The following CEP112 variants were observed in gnomAD, a reference collection of about 807,000 sequenced individuals.
The protein encoded by CEP112 is centrosomal protein 112, also known as centrosomal protein of 112 kDa.
A neutral mutation model predicts 153.0 loss-of-function variants in CEP112; 127 were observed. The ratio of observed to expected loss-of-function variants is 0.83; its 90% CI spans 0.72 to 0.96. CEP112 has a LOEUF of 0.96. Ranked by LOEUF, CEP112 falls within the 40% of genes least tolerant of loss-of-function variation. The probability of loss-of-function intolerance (pLI) is 0.00; values close to 1 mark genes in which losing one functional copy is unlikely to be tolerated. For missense variants in CEP112, 1,089 were observed against 1,101.2 expected (o/e 0.99, Z 0.16); for synonymous variants, 358 against 374.4 (o/e 0.96, Z 0.51).
intron 24 of CEP112, chr17:65,644,514 A>C: frequency 3.1e-6 from 1 of 318,694 alleles, no homozygotes; most frequent in Non-Finnish European, 6.0e-6. Context: ...AATTTGGACA[A>C]AGCACAGCAG....
intron 20 of CEP112, among the ~76,000 whole-genome samples, chr17:65,896,394 A>G (rs1479262603): frequency 6.6e-6 from 1 of 152,110 alleles, no homozygotes; most frequent in Non-Finnish European, 1.5e-5. Context: ...GATGAAAACA[A>G]TTACAGAACT....
intron 17 of CEP112, 49 bp downstream of exon 17, chr17:66,005,641 A>C (rs1290245145): frequency 6.4e-7 from 1 of 1,574,650 alleles, no homozygotes; most frequent in Non-Finnish European, 8.6e-7. Flanking sequence ...TTTGGCTCAC[A>C]GTTTAATAAA....
chr17:65,649,690 C>A (rs2045632561), intron 24 of CEP112, among the ~76,000 whole-genome samples: 1 of 141,626 alleles, frequency 7.1e-6, no homozygotes, highest in African/African-American at 2.7e-5. Flanking sequence ...CTGCACCCAG[C>A]CTAGGCAACT....
chr17:65,870,628 C>T (rs2058643618), intron 20 of CEP112, among the ~76,000 whole-genome samples: 1 of 152,118 alleles, frequency 6.6e-6, no homozygotes. Flanking sequence ...TAACCTTATC[C>T]TGAAAAATGC....
At chr17:65,853,753 G>C (rs1034758880) in intron 20 of CEP112, among the ~76,000 whole-genome samples, 1 of 151,538 alleles carries the variant, frequency 6.6e-6, no homozygotes, top group Non-Finnish European at 1.5e-5. Context: ...TTCTATTTCC[G>C]GTTCTGTGTA....
chr17:65,643,187 G>A (rs1277992418), intron 24 of CEP112, among the ~76,000 whole-genome samples: 1 of 152,190 alleles, frequency 6.6e-6, no homozygotes, highest in Non-Finnish European at 1.5e-5. Flanking sequence ...CTTGCTCATA[G>A]GTGAGCTTGA....
intron 11 of CEP112, among the ~76,000 whole-genome samples, chr17:66,055,728 G>T (rs2319122): frequency 0.41 from 62,530 of 151,990 alleles, 14,343 homozygotes; most frequent in East Asian, 0.87. Context: ...CGGAGGGGTG[G>T]CTGTAAGTCA....
chr17:65,736,241 G>A (rs2050797423), intron 23 of CEP112, among the ~76,000 whole-genome samples: 1 of 152,106 alleles, frequency 6.6e-6, no homozygotes, highest in Non-Finnish European at 1.5e-5. Flanking sequence ...AATTCAGGGG[G>A]ATTTCTAGGG....
At chr17:66,051,590 C>T (rs542776030) in intron 12 of CEP112, among the ~76,000 whole-genome samples, 1 of 152,240 alleles carries the variant, frequency 6.6e-6, no homozygotes, top group African/African-American at 2.4e-5. Context: ...AACAACTGTG[C>T]ATACCACTTC....
intron 17 of CEP112, among the ~76,000 whole-genome samples, chr17:65,991,439 A>C (rs2063591113): frequency 1.3e-5 from 2 of 152,180 alleles, no homozygotes; most frequent in African/African-American, 4.8e-5. Context: ...GAAAAAATAT[A>C]TTCAAAAGTT....
intron 8 of CEP112, among the ~76,000 whole-genome samples, chr17:66,094,304 C>T (rs1427804701): frequency 6.6e-6 from 1 of 152,072 alleles, no homozygotes; most frequent in East Asian, 1.9e-4. Context: ...AAGTGATCCG[C>T]CCACCTCAGC....
chr17:66,122,477 T>C (rs2069646284), intron 6 of CEP112, among the ~76,000 whole-genome samples: 3 of 152,166 alleles, frequency 2.0e-5, no homozygotes, highest in Admixed American at 2.0e-4. Flanking sequence ...ATTTGATTAG[T>C]GGCTTGGCTA....
chr17:65,974,386 T>C (rs1599224116), intron 17 of CEP112, among the ~76,000 whole-genome samples: 2 of 152,274 alleles, frequency 1.3e-5, no homozygotes, highest in South Asian at 2.1e-4. Flanking sequence ...CCAAAAGGCA[T>C]CCTCCTTATT....
At chr17:65,919,113 G>A (rs1221140903) in intron 19 of CEP112, among the ~76,000 whole-genome samples, 1 of 152,120 alleles carries the variant, frequency 6.6e-6, no homozygotes, top group African/African-American at 2.4e-5. Context: ...GGGATCTGAG[G>A]GCATAGCCTG....
At chr17:65,933,508 T>A (rs2061198006) in intron 18 of CEP112, among the ~76,000 whole-genome samples, 1 of 152,198 alleles carries the variant, frequency 6.6e-6, no homozygotes, top group Non-Finnish European at 1.5e-5. Context: ...AAACCCTGCA[T>A]GCCAGGAGAC....
intron 21 of CEP112, among the ~76,000 whole-genome samples, chr17:65,786,822 G>C (rs752462264): frequency 2.6e-5 from 4 of 152,124 alleles, no homozygotes; most frequent in Non-Finnish European, 5.9e-5. Context: ...TTAGGCTCAA[G>C]TGATCCGCCT....
intron 20 of CEP112, among the ~76,000 whole-genome samples, chr17:65,891,069 A>T (rs2059446491): frequency 6.6e-6 from 1 of 152,082 alleles, no homozygotes. Context: ...CCTTTTTTAT[A>T]TACGTAGGTC....
chr17:65,637,135 A>T lies in CEP112; in HGVS notation c.2853T>A (p.Tyr951Ter). The change falls in exon 26 of 27, where the codon TAT (tyrosine) becomes TAA (stop). Residue 951 changes from tyrosine to a stop codon, truncating the protein, a stop_gained. Coordinates refer to ENST00000535342, the MANE Select transcript of CEP112 (RefSeq NM_001199165.4). LOFTEE classifies it high-confidence loss of function. Reference protein sequence around the residue: ...ASILQEELTTYQGRR With the variant: ...ASILQEELTT ...CTTATGGGCTGTACCTTCTGCCTTG[A>T]TATGTAGTCAGTTCTTCCTGAAGGA... 1 of 1,613,848 alleles carries T rather than the reference A, an allele frequency of 6.2e-7. No homozygotes were observed. Among genetic ancestry groups the T allele is most frequent in the Non-Finnish European group, 8.5e-7 (1 of 1,179,728 alleles).
At chr17:65,927,124 A>G (rs2060954603) in intron 19 of CEP112, among the ~76,000 whole-genome samples, 1 of 152,184 alleles carries the variant, frequency 6.6e-6, no homozygotes, top group African/African-American at 2.4e-5. Flanking sequence ...GGTCATTTAA[A>G]AGTGTACGGC....
Sources: allele counts gnomAD v4.1 joint callset (sites outside exome capture counted in the v4.1 genomes callset), GRCh38; gene constraint gnomAD v4.1.1; transcripts MANE v1.5; gene names NCBI Gene and HGNC (gene_info 2026-07-23, HGNC 2026-07-21).